Variants in CCDC85C observed in about 807,000 individuals in gnomAD.
CCDC85C encodes the protein coiled-coil domain containing 85C.
Under a neutral mutation model 38.3 loss-of-function variants are expected in CCDC85C, and 18 were observed. The observed-to-expected ratio is 0.47, with a 90% CI of 0.33 to 0.70. The LOEUF is 0.70. Among genes scored for constraint, CCDC85C ranks in the 30% least tolerant of loss-of-function variants. The pLI is 0.03. For missense variants in CCDC85C, 566 were observed against 621.2 expected (o/e 0.91, Z 0.94); for synonymous variants, 264 against 293.8 (o/e 0.90, Z 1.04).
At chr14:99,518,678 C>T (rs1257046498) in intron 3 of CCDC85C, among the ~76,000 whole-genome samples, 1 of 152,210 alleles carries the variant, frequency 6.6e-6, no homozygotes, top group African/African-American at 2.4e-5. Context: ...GAACACAGGC[C>T]ATGTGCCAGC....
chr14:99,578,736 T>C (rs1344131912), intron 1 of CCDC85C, among the ~76,000 whole-genome samples: 1 of 152,204 alleles, frequency 6.6e-6, no homozygotes, highest in Non-Finnish European at 1.5e-5. Flanking sequence ...TCACGTGTAA[T>C]CGGGAGACAG....
At chr14:99,556,438 C>A (rs1276320025) in intron 1 of CCDC85C, among the ~76,000 whole-genome samples, 2 of 152,126 alleles carry the variant, frequency 1.3e-5, no homozygotes, top group Non-Finnish European at 2.9e-5. Flanking sequence ...TGCTCTAGAG[C>A]ATCATATTGG....
chr14:99,568,541 G>A (rs373275767), intron 1 of CCDC85C, among the ~76,000 whole-genome samples: 1 of 152,090 alleles, frequency 6.6e-6, no homozygotes, highest in East Asian at 1.9e-4. Flanking sequence ...ACTACCACAG[G>A]CAAGCCTGCA....
chr14:99,593,866 T>G (rs1321971289), intron 1 of CCDC85C, among the ~76,000 whole-genome samples: 1 of 152,226 alleles, frequency 6.6e-6, no homozygotes, highest in Non-Finnish European at 1.5e-5. Context: ...GGCACTGGTA[T>G]TTTTTAAAGT....
intron 3 of CCDC85C, among the ~76,000 whole-genome samples, chr14:99,518,884 C>G (rs1048599151): frequency 6.6e-6 from 1 of 152,106 alleles, no homozygotes; most frequent in Non-Finnish European, 1.5e-5. Flanking sequence ...GGGCATGGCC[C>G]GGGATCCTGA....
At position 99,503,136 on chromosome 14, in the gene CCDC85C, C is replaced by G; in HGVS notation, c.*12110G>C. ...AGTCCGACTGCTTGTCGGTGGGGAG[C>G]CTGAAAACAAAGGTGCTCCAAGGAC... On this transcript the variant is annotated 3_prime_UTR_variant, in exon 6 of 6. Coordinates refer to ENST00000380243, the MANE Select transcript of CCDC85C (RefSeq NM_001144995.2). The G allele has an allele frequency of 1.1e-6, 1 of 903,390 alleles. No individual in the cohort carries two copies. The highest frequency in any genetic ancestry group is 1.4e-5 in the South Asian group (1 of 73,634). The allele number at this position is 903,390 out of a possible 1,614,324, so 56.0% of individuals were successfully genotyped here. A position where few individuals can be genotyped will look rare whatever the true frequency, so the allele number is the denominator to read the frequency against.
Position 99,604,035 on chromosome 14 carries a change from G to A in CCDC85C, c.-76C>T, listed in dbSNP as rs1242034355. Reference sequence around the variant, plus strand: ...CCCCGCGCCGGGGCTCCGCTGGGCCGGTCCGCGCGCGGGCGGGGGGCGGCC... The same window carrying A: ...CCCCGCGCCGGGGCTCCGCTGGGCCAGTCCGCGCGCGGGCGGGGGGCGGCC... On this transcript the variant is annotated 5_prime_UTR_variant, in exon 1 of 6. Transcript: ENST00000380243. The A allele has an allele frequency of 1.8e-4, 185 of 1,001,298 alleles. No homozygotes were observed. Among genetic ancestry groups the A allele is most frequent in the Non-Finnish European group, 1.8e-4 (150 of 842,144 alleles). 62.0% of individuals were successfully genotyped at this position (1,001,298 alleles called of 1,614,324 possible).
chr14:99,539,146 A>G (rs1897662872), intron 1 of CCDC85C, among the ~76,000 whole-genome samples: 1 of 152,218 alleles, frequency 6.6e-6, no homozygotes, highest in East Asian at 1.9e-4. Flanking sequence ...ATTTTAGACC[A>G]TCCAGTAATT....
chr14:99,565,385 T>C (rs994785255), intron 1 of CCDC85C, among the ~76,000 whole-genome samples: 40 of 152,196 alleles, frequency 2.6e-4, no homozygotes, highest in Non-Finnish European at 4.6e-4. Flanking sequence ...CCTGGCACAA[T>C]GTGGAGAAGG....
chr14:99,513,250 T>C lies in CCDC85C; in HGVS notation c.*1996A>G, dbSNP rs2139892283. Reference sequence around the variant, plus strand: ...ACATGATGCACACGGGCTCCCAGACTTGGCTGCCACTCAAAATGGACCCAC... The same window carrying C: ...ACATGATGCACACGGGCTCCCAGACCTGGCTGCCACTCAAAATGGACCCAC... On this transcript the variant is annotated 3_prime_UTR_variant, in exon 6 of 6. Coordinates refer to ENST00000380243, the MANE Select transcript of CCDC85C (RefSeq NM_001144995.2). The C allele has an allele frequency of 6.6e-6, 1 of 152,290 alleles. No homozygotes were observed. The highest frequency in any genetic ancestry group is 3.4e-3 in the Middle Eastern group (1 of 296). The allele number at this position is 152,290 out of a possible 1,614,324, so 9.4% of individuals were successfully genotyped here. A position where few individuals can be genotyped will look rare whatever the true frequency, so the allele number is the denominator to read the frequency against.
chr14:99,502,250 G>T lies in CCDC85C; in HGVS notation c.*12996C>A. 6.2e-7 allele frequency: 1 copy of T among 1,604,982 alleles called. No individual in the cohort carries two copies. Among genetic ancestry groups the T allele is most frequent in the Non-Finnish European group, 8.5e-7 (1 of 1,175,496 alleles). On this transcript the variant is annotated 3_prime_UTR_variant, in exon 6 of 6. Coordinates refer to ENST00000380243, the MANE Select transcript of CCDC85C (RefSeq NM_001144995.2). Reference sequence around the variant, plus strand: ...ACTGCAGTGGGAACCAGAGATCATAGCAGTAGCAGTGATGTATCTCGCAGG... The same window carrying T: ...ACTGCAGTGGGAACCAGAGATCATATCAGTAGCAGTGATGTATCTCGCAGG...
In CCDC85C at chr14:99,511,795, G is replaced by A. The variant is rs971369515; in HGVS notation, c.*3451C>T. 2.0e-5 allele frequency: 3 copies of A among 152,624 alleles called. No homozygotes were observed. The highest frequency in any genetic ancestry group is 1.9e-4 in the East Asian group (1 of 5,196). The allele number at this position is 152,624 out of a possible 1,614,324, so 9.5% of individuals were successfully genotyped here. A position where few individuals can be genotyped will look rare whatever the true frequency, so the allele number is the denominator to read the frequency against. ...GTTTGAAACTTTGAAGCCTTGCTGC[G>A]TAGAACGCACACAGGAACCCGGGGG... On this transcript the variant is annotated 3_prime_UTR_variant, in exon 6 of 6. Coordinates refer to ENST00000380243, the MANE Select transcript of CCDC85C (RefSeq NM_001144995.2).
At chr14:99,557,869 C>T (rs1339870533) in intron 1 of CCDC85C, among the ~76,000 whole-genome samples, 1 of 152,000 alleles carries the variant, frequency 6.6e-6, no homozygotes, top group East Asian at 1.9e-4. Flanking sequence ...GATCCAAGGT[C>T]GCGCCACTGC....
chr14:99,547,843 T>C (rs1350468041), intron 1 of CCDC85C, among the ~76,000 whole-genome samples: 1 of 151,844 alleles, frequency 6.6e-6, no homozygotes, highest in Non-Finnish European at 1.5e-5. Context: ...TGTGTGTGTG[T>C]ATATACACAT....
rs111963653 is a variant in CCDC85C, at chr14:99,574,600, C to T, written c.793+28567G>A. ...TGAGGAGGGGAGGCAGGGTGGCCTG[C>T]GAGGAATTTAGGGAATGCAGGGAGA... On this transcript the variant is annotated intron_variant, in intron 1 of 5. Transcript: ENST00000380243. Among the ~76,000 whole-genome samples the T allele has an allele frequency of 7.7e-3, 1,176 of 152,174 alleles. 20 individuals carry two copies. Among genetic ancestry groups the T allele is most frequent in the African/African-American group, 0.027 (1,110 of 41,498 alleles).
chr14:99,596,126 G>A (rs2055140884), intron 1 of CCDC85C, among the ~76,000 whole-genome samples: 2 of 152,250 alleles, frequency 1.3e-5, no homozygotes, highest in Admixed American at 6.5e-5. Flanking sequence ...ACTCTGTGAA[G>A]TTTGCTCAGG....
At position 99,516,309 on chromosome 14, in the gene CCDC85C, T is replaced by G; in HGVS notation, c.1072-23A>C. The G allele has an allele frequency of 6.5e-7, 1 of 1,532,244 alleles. No homozygotes were observed. The highest frequency in any genetic ancestry group is 8.8e-7 in the Non-Finnish European group (1 of 1,130,490). The allele number at this position is 1,532,244 out of a possible 1,614,324, so 94.9% of individuals were successfully genotyped here. On this transcript the variant is annotated intron_variant, in intron 4 of 5. Coordinates refer to ENST00000380243, the MANE Select transcript of CCDC85C (RefSeq NM_001144995.2). This position sits in a 1 kb window ranked among gnomAD's most constrained non-coding sequence, Gnocchi z 5.5. Reference sequence around the variant, plus strand: ...GACCTGAAGGGAACGGGTCTCGGGGTCAGGGGCAGAGGCCACCGGCAGACC... The same window carrying G: ...GACCTGAAGGGAACGGGTCTCGGGGGCAGGGGCAGAGGCCACCGGCAGACC...
At chr14:99,601,685 T>TA (rs1317120369) in intron 1 of CCDC85C, among the ~76,000 whole-genome samples, 1 of 152,026 alleles carries the variant, frequency 6.6e-6, no homozygotes, top group African/African-American at 2.4e-5. Flanking sequence ...CCCAGCAAAT[T>TA]AAACCACCTA....
chr14:99,503,582 T>C lies in CCDC85C; in HGVS notation c.*11664A>G, dbSNP rs1379664499. On this transcript the variant is annotated 3_prime_UTR_variant, in exon 6 of 6. Coordinates refer to ENST00000380243, the MANE Select transcript of CCDC85C (RefSeq NM_001144995.2). ...TTCTCATCATACTCAGGATCCCAGT[T>C]AACAATTGTGTATTTTCTTTTGTAA... 1.9e-6 allele frequency: 3 copies of C among 1,547,100 alleles called. No individual in the cohort carries two copies. Among genetic ancestry groups the C allele is most frequent in the African/African-American group, 1.4e-5 (1 of 73,260 alleles).
Sources: gnomAD v4.1 joint callset for allele counts (sites outside exome capture counted in the v4.1 genomes callset) on GRCh38, gnomAD v4.1.1 for gene constraint, Gnocchi (gnomAD v3.1) non-coding constraint, MANE v1.5 for transcripts, NCBI Gene and HGNC (gene_info 2026-07-23, HGNC 2026-07-21) for gene names.